The following PKIG variants were observed in gnomAD, a reference collection of about 807,000 sequenced individuals.
PKIG encodes the protein cAMP-dependent protein kinase inhibitor gamma.
Under a neutral mutation model 6.8 loss-of-function variants are expected in PKIG, and 1 was observed. The ratio of observed to expected loss-of-function variants is 0.15; its 90% confidence interval spans 0.05 to 0.69. PKIG has a LOEUF of 0.69. Among genes scored for constraint, PKIG ranks in the 30% least tolerant of loss-of-function variants. The probability of loss-of-function intolerance (pLI) is 0.82; values close to 1 mark genes in which losing one functional copy is unlikely to be tolerated. For missense variants in PKIG, 77 were observed against 104.0 expected, an observed-to-expected ratio of 0.74 and a Z score of 1.13; for synonymous variants, 39 against 43.0, an observed-to-expected ratio of 0.91 and a Z score of 0.36.
intron 1 of PKIG, among the ~76,000 whole-genome samples, chr20:44,543,374 G>T (rs927566428): frequency 6.6e-6 from 1 of 150,584 alleles, no homozygotes; most frequent in Non-Finnish European, 1.5e-5. Flanking sequence ...CTCAATATTT[G>T]CAAACTTACT....
At chr20:44,553,819 G>A (rs1024840606) in intron 1 of PKIG, among the ~76,000 whole-genome samples, 1 of 152,138 alleles carries the variant, frequency 6.6e-6, no homozygotes, top group African/African-American at 2.4e-5. Flanking sequence ...GGAGGAAAAG[G>A]CACCCAAGCT....
At chr20:44,605,210 C>T (rs1254056659) in intron 2 of PKIG, among the ~76,000 whole-genome samples, 1 of 151,752 alleles carries the variant, frequency 6.6e-6, no homozygotes, top group Admixed American at 6.6e-5. Flanking sequence ...TCGAGACCAT[C>T]CTGGCTGACA....
intron 1 of PKIG, among the ~76,000 whole-genome samples, chr20:44,554,655 G>A (rs1273129082): frequency 1.3e-5 from 2 of 151,960 alleles, no homozygotes; most frequent in African/African-American, 4.8e-5. Flanking sequence ...CTTCCAGCTT[G>A]GGGGCAAAAA....
intron 1 of PKIG, among the ~76,000 whole-genome samples, chr20:44,550,840 G>A (rs936586089): frequency 1.3e-5 from 2 of 151,980 alleles, no homozygotes; most frequent in African/African-American, 2.4e-5. Flanking sequence ...ACTTAATGAG[G>A]GCCAGATTTC....
chr20:44,609,885 G>A (rs1221841301), intron 2 of PKIG, among the ~76,000 whole-genome samples: 2 of 152,244 alleles, frequency 1.3e-5, no homozygotes, highest in Middle Eastern at 3.2e-3. Context: ...CACTGAGTGC[G>A]TGATGTGTAT....
Position 44,612,015 on chromosome 20 carries a change from A to G in PKIG, c.-23-2519A>G, listed in dbSNP as rs531416278. Among the ~76,000 whole-genome samples the G allele has an allele frequency of 9.3e-4, 141 of 152,236 alleles. 1 individual carries two copies. The highest frequency in any genetic ancestry group is 1.2e-4 in the Non-Finnish European group (8 of 68,014). On this transcript the variant is annotated intron_variant, in intron 2 of 3. Transcript: ENST00000372886. Reference sequence around the variant, plus strand: ...TATATACATTTTCTGTATCCATTCAATCATGTTGGACATTTGGGTTGATTC... The same window carrying G: ...TATATACATTTTCTGTATCCATTCAGTCATGTTGGACATTTGGGTTGATTC...
chr20:44,578,583 A>G (rs1431849160), upstream of PKIG, among the ~76,000 whole-genome samples: 1 of 143,494 alleles, frequency 7.0e-6, no homozygotes, highest in Non-Finnish European at 1.5e-5. Context: ...TTGCCATGCA[A>G]CATTCCGGCT....
At chr20:44,588,460 G>A (rs953151213) in intron 1 of PKIG, among the ~76,000 whole-genome samples, 1 of 152,108 alleles carries the variant, frequency 6.6e-6, no homozygotes, top group African/African-American at 2.4e-5. Context: ...TGGCCAACAT[G>A]GTGAAACCCC....
At chr20:44,553,593 A>T (rs1309688802) in intron 1 of PKIG, among the ~76,000 whole-genome samples, 1 of 152,204 alleles carries the variant, frequency 6.6e-6, no homozygotes, top group Non-Finnish European at 1.5e-5. Flanking sequence ...TTGTGCCTTC[A>T]TTTAACATTC....
At chr20:44,552,570 A>G (rs2064678726) in intron 1 of PKIG, among the ~76,000 whole-genome samples, 1 of 152,188 alleles carries the variant, frequency 6.6e-6, no homozygotes. Flanking sequence ...AAAGGAGACA[A>G]GCAGGCACTT....
At chr20:44,555,043 A>G (rs920519391) in intron 1 of PKIG, among the ~76,000 whole-genome samples, 4 of 152,164 alleles carry the variant, frequency 2.6e-5, no homozygotes, top group African/African-American at 9.7e-5. Context: ...ATCTGTTTTA[A>G]TATCTGTATT....
chr20:44,616,949 G>A (rs1359203359), intron 3 of PKIG, among the ~76,000 whole-genome samples: 1 of 152,222 alleles, frequency 6.6e-6, no homozygotes, highest in Non-Finnish European at 1.5e-5. Flanking sequence ...CTGATGTCAG[G>A]CCTCTATAAA....
chr20:44,594,737 G>T (rs2123401970), intron 2 of PKIG, among the ~76,000 whole-genome samples: 1 of 152,206 alleles, frequency 6.6e-6, no homozygotes, highest in East Asian at 1.9e-4. Flanking sequence ...ATTTCTCCAG[G>T]TCCTAGTAGT....
At chr20:44,539,576 G>A (rs1045294262) in intron 1 of PKIG, among the ~76,000 whole-genome samples, 4 of 151,800 alleles carry the variant, frequency 2.6e-5, no homozygotes, top group Admixed American at 1.3e-4. Flanking sequence ...CCACCACCAC[G>A]CCCGGCTGAT....
intron 3 of PKIG, among the ~76,000 whole-genome samples, chr20:44,615,355 C>A (rs942867174): frequency 6.6e-6 from 1 of 152,212 alleles, no homozygotes; most frequent in East Asian, 1.9e-4. Context: ...ATCACATGAC[C>A]CTCATCACTC....
chr20:44,588,501 G>A (rs144720652), intron 1 of PKIG, among the ~76,000 whole-genome samples: 370 of 152,244 alleles, frequency 2.4e-3, no homozygotes, highest in African/African-American at 8.1e-3. Context: ...AAAATTAGCC[G>A]GGCGCGGTGG....
At chr20:44,549,470 A>G (rs1027921470) in intron 1 of PKIG, among the ~76,000 whole-genome samples, 1 of 152,150 alleles carries the variant, frequency 6.6e-6, no homozygotes, top group African/African-American at 2.4e-5. Flanking sequence ...CTCCCGCACA[A>G]ATCATCTCCA....
intron 1 of PKIG, among the ~76,000 whole-genome samples, chr20:44,541,849 C>T (rs1044333274): frequency 4.6e-5 from 7 of 151,766 alleles, no homozygotes; most frequent in East Asian, 1.9e-4. Context: ...CCACCATGCC[C>T]GGCTAATTTT....
In PKIG at chr20:44,618,321, C is replaced by G. The variant is rs1367990299; in HGVS notation, c.188C>G (p.Ala63Gly). 6.2e-7 allele frequency: 1 copy of G among 1,613,546 alleles called. No individual in the cohort carries two copies. ...QVEGSAPDKE[A>G]GNQPQSSDGT... ...GAGGGAAGCGCCCCAGACAAGGAAG[C>G]TGGCAACCAGCCCCAGAGCAGCGAT... The change falls in exon 4 of 4, where the codon GCT becomes GGT. Residue 63 changes from alanine (A) to glycine (G), a missense_variant. Physicochemically the swap from Ala to Gly is moderately conservative, Grantham distance 60. Transcript: ENST00000372886.
Sources: gnomAD v4.1 joint callset for allele counts (sites outside exome capture counted in the v4.1 genomes callset) on GRCh38, gnomAD v4.1.1 for gene constraint, MANE v1.5 for transcripts, NCBI Gene and HGNC (gene_info 2026-07-23, HGNC 2026-07-21) for gene names.